TMEM231: variants seen among roughly 807,000 people sequenced by gnomAD.
The protein encoded by TMEM231 is transmembrane protein 231.
Under a neutral mutation model 38.5 loss-of-function variants are expected in TMEM231, and 40 were observed. That is an observed-to-expected ratio of 1.04 (90% CI 0.81 to 1.35). TMEM231 has a LOEUF of 1.35. TMEM231 is among the 40% of genes most tolerant of loss of function. The pLI is 0.00. For synonymous variants in TMEM231, 199 were observed against 181.7 expected (o/e 1.10, Z -0.77); for missense variants, 420 against 416.9 (o/e 1.01, Z -0.07).
chr16:75,550,098 G>C, intron 2 of TMEM231, among the ~76,000 whole-genome samples: 1 of 152,354 alleles, frequency 6.6e-6, no homozygotes, highest in Admixed American at 6.5e-5. Flanking sequence ...CACAGAGATA[G>C]TAGCTGCAGG....
chr16:75,546,167 C>T, intron 2 of TMEM231: 1 of 1,459,374 alleles, frequency 6.9e-7, no homozygotes. Context: ...CTGGGCCTTT[C>T]AAATGTTCAC....
intron 4 of TMEM231, among the ~76,000 whole-genome samples, chr16:75,544,888 A>C (rs1238994573): frequency 6.6e-6 from 1 of 151,732 alleles, no homozygotes; most frequent in Non-Finnish European, 1.5e-5. Flanking sequence ...CAAGAATTCT[A>C]CAGAGACCCT....
chr16:75,556,247 A>C lies in TMEM231; in HGVS notation c.-38T>G, dbSNP rs758946916. ...CAGGCACTCCGCGAGCCGGGGGACC[A>C]AGTTTGGCTTCTCCTGGTTGCCATC... On this transcript the variant is annotated 5_prime_UTR_variant, in exon 1 of 7. Transcript: ENST00000258173. The C allele has an allele frequency of 4.3e-6, 6 of 1,392,538 alleles. No homozygotes were observed. The highest frequency in any genetic ancestry group is 5.6e-6 in the Non-Finnish European group (6 of 1,077,538). 86.3% of individuals were successfully genotyped at this position (1,392,538 alleles called of 1,614,324 possible). A position where few individuals can be genotyped will look rare whatever the true frequency, so the allele number is the denominator to read the frequency against.
Position 75,555,856 on chromosome 16 carries a change from A to T in TMEM231, c.257T>A (p.Phe86Tyr). ...ESDGFLAWST[F>Y]PAFNRLQGDR... ...CCCTTGCAGCCGGTTGAAGGCGGGGAACGTGCTCCAGGCGAGGAACCCGTC... is the reference window on the plus strand; with the variant it reads ...CCCTTGCAGCCGGTTGAAGGCGGGGTACGTGCTCCAGGCGAGGAACCCGTC... Residue 86 changes from phenylalanine to tyrosine, a missense_variant, in exon 2 of 7, where the codon TTC becomes TAC. Coordinates refer to ENST00000258173, the MANE Select transcript of TMEM231 (RefSeq NM_001077418.3). 1.3e-6 allele frequency: 2 copies of T among 1,583,544 alleles called. No individual in the cohort carries two copies. Among genetic ancestry groups the T allele is most frequent in the Non-Finnish European group, 1.7e-6 (2 of 1,165,258 alleles).
intron 4 of TMEM231, among the ~76,000 whole-genome samples, chr16:75,543,819 T>C (rs960865782): frequency 3.3e-5 from 5 of 152,248 alleles, no homozygotes; most frequent in African/African-American, 1.2e-4. Context: ...ATTTCATATG[T>C]TGCAGCTTCC....
chr16:75,543,418 A>G (rs1029007090), intron 4 of TMEM231, among the ~76,000 whole-genome samples: 1 of 152,066 alleles, frequency 6.6e-6, no homozygotes, highest in African/African-American at 2.4e-5. Flanking sequence ...AAGAAAACAA[A>G]AATTAGCCAG....
intron 4 of TMEM231, among the ~76,000 whole-genome samples, chr16:75,545,057 G>A (rs527329037): frequency 9.8e-5 from 14 of 142,538 alleles, no homozygotes; most frequent in Admixed American, 2.3e-4. Context: ...CTGGGTTCAA[G>A]CAATTCTCCT....
rs2080584636 is a variant in TMEM231, at chr16:75,538,551, C to T, written c.*1443G>A. On this transcript the variant is annotated 3_prime_UTR_variant, in exon 7 of 7. Transcript: ENST00000258173. ...CAAGGGGGTCAGTGTTAGGGAATTC[C>T]TCTGCTTGAATACTTCAAAATAGCT... 6.6e-6 allele frequency: 1 copy of T among 152,050 alleles called. No homozygotes were observed. The highest frequency in any genetic ancestry group is 2.4e-5 in the African/African-American group (1 of 41,384). 9.4% of individuals were successfully genotyped at this position (152,050 alleles called of 1,614,324 possible).
chr16:75,538,752 T>C lies in TMEM231; in HGVS notation c.*1242A>G, dbSNP rs531489004. On this transcript the variant is annotated 3_prime_UTR_variant, in exon 7 of 7. Transcript: ENST00000258173. ...TGCTTGGGATCAGGAAGCAGCTCCATGTGTTCTTGGAGGAGACTGCCCACA... is the reference window on the plus strand; with the variant it reads ...TGCTTGGGATCAGGAAGCAGCTCCACGTGTTCTTGGAGGAGACTGCCCACA... 2 of 152,330 alleles carry C rather than the reference T, an allele frequency of 1.3e-5. No individual in the cohort carries two copies. The highest frequency in any genetic ancestry group is 6.5e-5 in the Admixed American group (1 of 15,300). The allele number at this position is 152,330 out of a possible 1,614,324, so 9.4% of individuals were successfully genotyped here.
At chr16:75,551,679 T>G (rs916142299) in intron 2 of TMEM231, among the ~76,000 whole-genome samples, 1 of 152,068 alleles carries the variant, frequency 6.6e-6, no homozygotes, top group Non-Finnish European at 1.5e-5. Context: ...ATAAGCAAAA[T>G]AGGTCGGGGC....
Position 75,544,949 on chromosome 16 carries a change from C to CTTCT in TMEM231, c.582+402_582+403insAGAA, listed in dbSNP as rs2080666559. ...ATATTTCTACTTTTCTTTTCTTTTT[C>CTTCT]TTTTTTTTTTTTTTTTTTTTTTTTG... On this transcript the variant is annotated intron_variant, in intron 4 of 6. Transcript: ENST00000258173. Among the ~76,000 whole-genome samples the CTTCT allele has an allele frequency of 3.0e-3, 269 of 89,620 alleles. 4 individuals carry two copies. The highest frequency in any genetic ancestry group is 4.5e-3 in the South Asian group (13 of 2,904). 58.8% of individuals were successfully genotyped at this position (89,620 alleles called of 152,430 possible).
rs374031720 is a variant in TMEM231 at position 75,555,864 on chromosome 16, C to G, written c.249G>C (p.Trp83Cys). ...GCCGGTTGAAGGCGGGGAACGTGCT[C>G]CAGGCGAGGAACCCGTCGCTTTCGG... is the stretch of plus-strand genomic sequence containing the variant. The part of the protein sequence containing the change: ...LGPESDGFLA[W>C]STFPAFNRLQ... The change falls in exon 2 of 7, where the codon TGG (tryptophan) becomes TGC (cysteine). Residue 83 changes from tryptophan (W) to cysteine (C), a missense_variant. Physicochemically the swap from Trp to Cys is radical, Grantham distance 215. Transcript: ENST00000258173. The G allele has an allele frequency of 6.3e-7, 1 of 1,588,364 alleles. No individual in the cohort carries two copies. The highest frequency in any genetic ancestry group is 8.6e-7 in the Non-Finnish European group (1 of 1,167,700).
intron 5 of TMEM231, 151 bp from the exon 6 acceptor site, chr16:75,541,606 G>A (rs1352353822): frequency 1.3e-5 from 6 of 457,102 alleles, no homozygotes; most frequent in Non-Finnish European, 2.0e-5. Flanking sequence ...GTGCAAAGCT[G>A]ATCACACATT....
In TMEM231 at chr16:75,536,750, C is replaced by T. The variant is rs375584782; in HGVS notation, c.*3244G>A. ...AATAAACCAGCAACAATGATTTCTA[C>T]ACAAGGTTTATAAAAGTGTTGTTTG... On this transcript the variant is annotated 3_prime_UTR_variant, in exon 7 of 7. Coordinates refer to ENST00000258173, the MANE Select transcript of TMEM231 (RefSeq NM_001077418.3). The T allele has an allele frequency of 6.6e-6, 1 of 152,150 alleles. No individual in the cohort carries two copies. The highest frequency in any genetic ancestry group is 2.4e-5 in the African/African-American group (1 of 41,424). The allele number at this position is 152,150 out of a possible 1,614,324, so 9.4% of individuals were successfully genotyped here. A position where few individuals can be genotyped will look rare whatever the true frequency, so the allele number is the denominator to read the frequency against.
At chr16:75,540,523 GTACGGA>G (rs2080611914) in intron 6 of TMEM231, among the ~76,000 whole-genome samples, 1 of 152,170 alleles carries the variant, frequency 6.6e-6, no homozygotes, top group Admixed American at 6.6e-5. Context: ...AATTGCACCT[GTACGGA>G]ACACAATTTA....
At chr16:75,550,251 A>G (rs1267335585) in intron 2 of TMEM231, among the ~76,000 whole-genome samples, 15 of 152,194 alleles carry the variant, frequency 9.9e-5, no homozygotes, top group Admixed American at 9.8e-4. Context: ...AGGACCTCTG[A>G]GCTTGGAGGA....
intron 4 of TMEM231, among the ~76,000 whole-genome samples, chr16:75,544,949 C>CTTCTTTTTTT (rs2080666559): frequency 4.5e-5 from 4 of 89,622 alleles, no homozygotes; most frequent in Non-Finnish European, 7.2e-5. Context: ...TTTTCTTTTT[C>CTTCTTTTTTT]TTTTTTTTTT....
At position 75,555,888 on chromosome 16, in the gene TMEM231, G is replaced by T; in HGVS notation, c.225C>A (p.Pro75=). ...HQVLLVALLG[P]ESDGFLAWST... is the part of the protein sequence containing the mutation. The stretch of plus-strand genomic sequence containing the variant: ...TCCAGGCGAGGAACCCGTCGCTTTC[G>T]GGTCCGAGCAGGGCCACGAGCAGCA... Residue 75 remains proline (P), a synonymous_variant, in exon 2 of 7, where the codon CCC becomes CCA. Transcript: ENST00000258173. 6.3e-7 allele frequency: 1 copy of T among 1,595,584 alleles called. No homozygotes were observed. Among genetic ancestry groups the T allele is most frequent in the East Asian group, 2.3e-5 (1 of 44,046 alleles).
At chr16:75,552,049 T>A (rs1032215272) in intron 2 of TMEM231, among the ~76,000 whole-genome samples, 4 of 150,422 alleles carry the variant, frequency 2.7e-5, no homozygotes, top group African/African-American at 7.4e-5. Flanking sequence ...ATCCTCATCC[T>A]TTTGAGTAAC....
Sources: gnomAD v4.1 joint callset for allele counts (sites outside exome capture counted in the v4.1 genomes callset) on GRCh38, gnomAD v4.1.1 for gene constraint, MANE v1.5 for transcripts, NCBI Gene and HGNC (gene_info 2026-07-23, HGNC 2026-07-21) for gene names.